The following DPP6 variants were observed in gnomAD, a reference collection of about 807,000 sequenced individuals.
DPP6 encodes A-type potassium channel modulatory protein DPP6.
Under a neutral mutation model 122.6 loss-of-function variants are expected in DPP6, and 69 were observed. That is an observed-to-expected ratio of 0.56 (90% CI 0.46 to 0.69). The LOEUF (loss-of-function observed/expected upper bound fraction) is 0.69. DPP6 is among the 30% of genes least tolerant of loss of function. The pLI, the probability that DPP6 is intolerant of heterozygous loss-of-function variation, is 0.00. For missense variants in DPP6, 928 were observed against 1,116.9 expected (o/e 0.83, Z 2.41); for synonymous variants, 418 against 433.1 (o/e 0.97, Z 0.43).
chr7:154,768,441 G>T (rs1326995030), intron 8 of DPP6, among the ~76,000 whole-genome samples: 1 of 152,172 alleles, frequency 6.6e-6, no homozygotes, highest in Non-Finnish European at 1.5e-5. Flanking sequence ...TAATAATAGC[G>T]AGTTGAATGG....
intron 3 of DPP6, among the ~76,000 whole-genome samples, chr7:154,482,238 C>T (rs1823369957): frequency 6.6e-6 from 1 of 151,640 alleles, no homozygotes; most frequent in Non-Finnish European, 1.5e-5. Context: ...GGGAGAAGAG[C>T]CAGAGATAAG....
chr7:154,204,781 C>G (rs953662275), intron 1 of DPP6, among the ~76,000 whole-genome samples: 1 of 57,208 alleles, frequency 1.7e-5, no homozygotes, highest in Non-Finnish European at 4.0e-5. Flanking sequence ...AGCTTGATGA[C>G]CTTGTGTGTG....
chr7:154,091,409 T>C (rs1331967208), intron 1 of DPP6, among the ~76,000 whole-genome samples: 1 of 152,214 alleles, frequency 6.6e-6, no homozygotes, highest in Non-Finnish European at 1.5e-5. Flanking sequence ...TGGGCATATT[T>C]CTATTTCCTG....
chr7:154,220,357 G>A (rs1800234683), intron 1 of DPP6, among the ~76,000 whole-genome samples: 1 of 152,154 alleles, frequency 6.6e-6, no homozygotes, highest in African/African-American at 2.4e-5. Flanking sequence ...TTATAAGTGG[G>A]AGATAAGTGA....
At position 154,608,320 on chromosome 7, in the gene DPP6, C is replaced by CATATATATATATATATATATATATAT. The variant is rs35662023; in HGVS notation, c.628-29479_628-29478insATATATATATATATATATATATATAT. On this transcript the variant is annotated intron_variant, in intron 5 of 25. Coordinates refer to ENST00000377770, the MANE Select transcript of DPP6 (RefSeq NM_130797.4). ...CATGCTTGCATTTTTTAGGAGTGAT[C>CATATATATATATATATATATATATAT]ATATATATATATATATATATATTTT... 6.5e-3 allele frequency among the ~76,000 whole-genome samples: 578 copies of CATATATATATATATATATATATATAT among 89,566 alleles called. 26 individuals are homozygous for CATATATATATATATATATATATATAT. The highest frequency in any genetic ancestry group is 0.013 in the East Asian group (23 of 1,762). The allele number at this position is 89,566 out of a possible 152,430, so 58.8% of individuals were successfully genotyped here.
intron 1 of DPP6, chr7:154,055,463 C>CA (rs754827552): frequency 3.3e-5 from 5 of 150,800 alleles, no homozygotes; most frequent in African/African-American, 1.2e-4. Context: ...AAAACAAAAA[C>CA]AAAAAAAGAG....
chr7:154,688,228 T>G (rs1442117422), intron 7 of DPP6, among the ~76,000 whole-genome samples: 1 of 152,206 alleles, frequency 6.6e-6, no homozygotes, highest in African/African-American at 2.4e-5. Flanking sequence ...AAAACACTAT[T>G]GGGAGATTAG....
chr7:154,583,772 C>A (rs190819163), intron 5 of DPP6, among the ~76,000 whole-genome samples: 1 of 152,204 alleles, frequency 6.6e-6, no homozygotes, highest in Admixed American at 6.5e-5. Context: ...ACCTCTGACT[C>A]GGGTGTCAGA....
intron 1 of DPP6, among the ~76,000 whole-genome samples, chr7:153,926,963 A>G (rs1393471324): frequency 6.6e-6 from 1 of 152,108 alleles, no homozygotes; most frequent in Admixed American, 6.5e-5. Flanking sequence ...GTAAAAGTTT[A>G]CCTGAAATTC....
At chr7:154,051,305 G>A (rs1426339899), upstream of DPP6, among the ~76,000 whole-genome samples, 3 of 119,152 alleles carry the variant, frequency 2.5e-5, no homozygotes, top group Non-Finnish European at 5.5e-5. Flanking sequence ...TCACTCTCTG[G>A]ATGTGATAGG....
In DPP6 at chr7:153,997,420, G is replaced by GA. The variant is rs545345585; in HGVS notation, c.51+109688dup. Among the ~76,000 whole-genome samples, 140 of 152,104 alleles carry GA rather than the reference G, an allele frequency of 9.2e-4. 1 individual carries two copies. Among genetic ancestry groups the GA allele is most frequent in the Non-Finnish European group, 1.7e-3 (115 of 68,018 alleles). ...TTCAGCCACATCTTGTTTATCTGGTGAACGAGTAAATAACACACAGTTTCT... is the reference window on the plus strand; with the variant it reads ...TTCAGCCACATCTTGTTTATCTGGTGAAACGAGTAAATAACACACAGTTTCT... On this transcript the variant is annotated intron_variant, in intron 1 of 25. Transcript: ENST00000404039.
In DPP6 at chr7:154,736,103, A is replaced by G. The variant is rs182484202; in HGVS notation, c.883+8216A>G. Reference sequence around the variant, plus strand: ...TTTCTGCGATCATGGGCAGACCACTATCTTTCTGCTGTAACAACACAAAGT... The same window carrying G: ...TTTCTGCGATCATGGGCAGACCACTGTCTTTCTGCTGTAACAACACAAAGT... On this transcript the variant is annotated intron_variant, in intron 8 of 25. Transcript: ENST00000377770. Among the ~76,000 whole-genome samples, 17 of 152,354 alleles carry G rather than the reference A, an allele frequency of 1.1e-4. No homozygotes were observed. The East Asian group carries it at 3.1e-3, about 28-fold the overall frequency.
In DPP6 at chr7:154,245,635, C is replaced by CAAAAAAAAAAAAAAAAAAAAAAAAAAA. The variant is rs71182888; in HGVS notation, c.243+192589_243+192590insAAAAAAAAAAAAAAAAAAAAAAAAAAA. 3.2e-4 allele frequency among the ~76,000 whole-genome samples: 32 copies of CAAAAAAAAAAAAAAAAAAAAAAAAAAA among 100,640 alleles called. 2 individuals carry two copies. Among genetic ancestry groups the CAAAAAAAAAAAAAAAAAAAAAAAAAAA allele is most frequent in the East Asian group, 1.3e-3 (4 of 3,176 alleles). The allele number at this position is 100,640 out of a possible 152,430, so 66.0% of individuals were successfully genotyped here. ...CTGGGCAACAAGAGTAAGACTGTCT[C>CAAAAAAAAAAAAAAAAAAAAAAAAAAA]AAAAAAAAAAAAAAAAAGCTATGGC... is the stretch of plus-strand genomic sequence containing the variant. On this transcript the variant is annotated intron_variant, in intron 1 of 25. Coordinates refer to ENST00000377770, the MANE Select transcript of DPP6 (RefSeq NM_130797.4).
intron 1 of DPP6, among the ~76,000 whole-genome samples, chr7:154,000,615 T>C (rs911117401): frequency 6.6e-6 from 1 of 152,146 alleles, no homozygotes; most frequent in African/African-American, 2.4e-5. Flanking sequence ...AAGAGCCGAG[T>C]TTCCTGACCT....
chr7:153,916,291 A>G (rs1299052570), intron 1 of DPP6, among the ~76,000 whole-genome samples: 1 of 148,856 alleles, frequency 6.7e-6, no homozygotes, highest in African/African-American at 2.5e-5. Context: ...TTTAAATAAC[A>G]TGTTCTTGGA....
chr7:153,910,885 G>T (rs1001388808), intron 1 of DPP6, among the ~76,000 whole-genome samples: 1 of 152,060 alleles, frequency 6.6e-6, no homozygotes, highest in South Asian at 2.1e-4. Flanking sequence ...CTCCCTCAGG[G>T]GTCCCAGTTC....
In DPP6 at chr7:154,164,696, C is replaced by T. The variant is rs539367105; in HGVS notation, c.243+111633C>T. The stretch of plus-strand genomic sequence containing the variant: ...TCTCTGTGGATTTGCCTACTCTGGC[C>T]GTGTCATATAAATGGAGTCATTTGG... On this transcript the variant is annotated intron_variant, in intron 1 of 25. Coordinates refer to ENST00000377770, the MANE Select transcript of DPP6 (RefSeq NM_130797.4). Among the ~76,000 whole-genome samples the T allele has an allele frequency of 4.6e-5, 7 of 152,206 alleles. No homozygotes were observed. The East Asian group carries it at 7.7e-4, about 17-fold the overall frequency.
At chr7:154,295,393 C>T (rs1805472931) in intron 1 of DPP6, among the ~76,000 whole-genome samples, 2 of 152,184 alleles carry the variant, frequency 1.3e-5, no homozygotes, top group African/African-American at 4.8e-5. Flanking sequence ...ACAACTTATC[C>T]ATTTCCTCTA....
At chr7:154,550,879 T>C (rs1216297135) in intron 4 of DPP6, among the ~76,000 whole-genome samples, 5 of 151,678 alleles carry the variant, frequency 3.3e-5, no homozygotes, top group Non-Finnish European at 7.4e-5. Context: ...GCCTCCTAAA[T>C]AGCTGGGATT....
Sources: allele counts gnomAD v4.1 joint callset (sites outside exome capture counted in the v4.1 genomes callset), GRCh38; gene constraint gnomAD v4.1.1; transcripts MANE v1.5; gene names NCBI Gene and HGNC (gene_info 2026-07-23, HGNC 2026-07-21).